The following ZBTB20 variants were observed in gnomAD, a reference collection of about 807,000 sequenced individuals.
The protein encoded by ZBTB20 is zinc finger and BTB domain containing 20, also known as zinc finger and BTB domain-containing protein 20.
In ZBTB20, 9 loss-of-function variants were observed where a neutral mutation model predicts 56.9. The ratio of observed to expected loss-of-function variants is 0.16; its 90% CI spans 0.10 to 0.28. The LOEUF is 0.28. Among genes scored for constraint, ZBTB20 ranks in the 10% least tolerant of loss-of-function variants. ZBTB20 has a pLI of 1.00. For synonymous variants in ZBTB20, 417 were observed against 420.7 expected (o/e 0.99, Z 0.11); for missense variants, 655 against 1,003.0 (o/e 0.65, Z 4.69).
At chr3:114,894,631 A>T (rs1204128061) in intron 4 of ZBTB20, among the ~76,000 whole-genome samples, 1 of 152,186 alleles carries the variant, frequency 6.6e-6, no homozygotes, top group East Asian at 1.9e-4. Context: ...GGACAGAGAC[A>T]GATACTTACA....
At chr3:114,826,026 A>G (rs554073451) in intron 4 of ZBTB20, among the ~76,000 whole-genome samples, 1 of 151,900 alleles carries the variant, frequency 6.6e-6, no homozygotes, top group South Asian at 2.1e-4. Flanking sequence ...GAATAAAACT[A>G]TCACTGAATT....
intron 6 of ZBTB20, among the ~76,000 whole-genome samples, chr3:114,540,931 A>G (rs2049037061): frequency 6.6e-6 from 1 of 152,114 alleles, no homozygotes; most frequent in Admixed American, 6.6e-5. Context: ...AGAAGCTAAA[A>G]AAACAATGCT....
intron 4 of ZBTB20, among the ~76,000 whole-genome samples, chr3:114,865,221 G>A (rs112416397): frequency 2.0e-5 from 3 of 152,158 alleles, no homozygotes; most frequent in African/African-American, 4.8e-5. Context: ...CCTCAACTAT[G>A]CATTTCCATG....
intron 6 of ZBTB20, among the ~76,000 whole-genome samples, chr3:114,684,005 A>G (rs2062161640): frequency 6.6e-6 from 1 of 152,120 alleles, no homozygotes; most frequent in South Asian, 2.1e-4. Flanking sequence ...GTTAGGCTGC[A>G]TCTTCTTTAT....
chr3:114,920,457 C>A (rs2075913952), intron 3 of ZBTB20, among the ~76,000 whole-genome samples: 1 of 151,936 alleles, frequency 6.6e-6, no homozygotes, highest in South Asian at 2.1e-4. Context: ...AATTAGAAAT[C>A]AATCAAAGGA....
intron 4 of ZBTB20, among the ~76,000 whole-genome samples, chr3:114,801,432 G>A (rs1003797531): frequency 6.9e-6 from 1 of 144,580 alleles, no homozygotes; most frequent in Non-Finnish European, 1.5e-5. Flanking sequence ...AACAAAATAC[G>A]CCTCCATGTT....
intron 7 of ZBTB20, among the ~76,000 whole-genome samples, chr3:114,452,139 CAAAAG>C (rs2091660915): frequency 6.6e-6 from 1 of 151,902 alleles, no homozygotes; most frequent in African/African-American, 2.4e-5. Context: ...CCCACAGCAA[CAAAAG>C]AATTCAGGGA....
At chr3:114,735,258 T>C (rs1208188123) in intron 5 of ZBTB20, among the ~76,000 whole-genome samples, 2 of 152,152 alleles carry the variant, frequency 1.3e-5, no homozygotes, top group Non-Finnish European at 2.9e-5. Flanking sequence ...TTATTCCATA[T>C]GTTAAGTTTC....
intron 11 of ZBTB20, among the ~76,000 whole-genome samples, chr3:114,342,103 A>G (rs931847231): frequency 1.3e-5 from 2 of 152,224 alleles, no homozygotes; most frequent in Non-Finnish European, 2.9e-5. Flanking sequence ...AAACTGTCTT[A>G]CTAAATGGGG....
At chr3:115,056,729 T>G (rs989307530) in intron 2 of ZBTB20, among the ~76,000 whole-genome samples, 1 of 152,160 alleles carries the variant, frequency 6.6e-6, no homozygotes, top group South Asian at 2.1e-4. Context: ...TAAAGCTACC[T>G]AGTTGTTTAA....
chr3:114,440,494 TTTC>T (rs992475591), intron 7 of ZBTB20, among the ~76,000 whole-genome samples: 26 of 152,164 alleles, frequency 1.7e-4, no homozygotes, highest in African/African-American at 6.3e-4. Flanking sequence ...TCCCTCTTAC[TTTC>T]TTCTTCTCTC....
chr3:114,343,520 G>A (rs571357132), intron 11 of ZBTB20, among the ~76,000 whole-genome samples: 1 of 152,324 alleles, frequency 6.6e-6, no homozygotes, highest in African/African-American at 2.4e-5. Context: ...TGATGAGACA[G>A]CAGGCAGCAA....
At chr3:114,949,500 G>T (rs2076991505) in intron 3 of ZBTB20, among the ~76,000 whole-genome samples, 1 of 146,490 alleles carries the variant, frequency 6.8e-6, no homozygotes. Flanking sequence ...AGGCGCGGCG[G>T]CTCATGCCTG....
At chr3:114,867,089 G>T (rs762064501) in intron 4 of ZBTB20, among the ~76,000 whole-genome samples, 4 of 152,132 alleles carry the variant, frequency 2.6e-5, no homozygotes, top group Non-Finnish European at 4.4e-5. Context: ...GGATGAAAAA[G>T]CCCCCTTCAG....
rs567329280 is a variant in ZBTB20, at chr3:114,324,333, G to C, written c.*14672C>G. 4.6e-5 allele frequency: 7 copies of C among 152,098 alleles called. No homozygotes were observed. The highest frequency in any genetic ancestry group is 1.0e-4 in the Non-Finnish European group (7 of 68,004). 9.4% of individuals were successfully genotyped at this position (152,098 alleles called of 1,614,324 possible). On this transcript the variant is annotated 3_prime_UTR_variant, in exon 12 of 12. Transcript: ENST00000675478. ...AAAGCTTTCCTGTTTCTTGAAACAC[G>C]GTCCTAAATTTAACAGTGCTGGGCT... is the stretch of plus-strand genomic sequence containing the variant.
At chr3:115,136,210 T>C (rs2084648957) in intron 1 of ZBTB20, among the ~76,000 whole-genome samples, 1 of 152,096 alleles carries the variant, frequency 6.6e-6, no homozygotes, top group South Asian at 2.1e-4. Flanking sequence ...CCTAAAAGGA[T>C]AGAAAACTGT....
intron 3 of ZBTB20, among the ~76,000 whole-genome samples, chr3:114,969,502 C>T (rs936806047): frequency 1.6e-4 from 24 of 152,204 alleles, no homozygotes; most frequent in Admixed American, 1.3e-4. Flanking sequence ...TATTTCTATA[C>T]GTATACTGGT....
At chr3:114,840,254 A>G (rs567165666) in intron 4 of ZBTB20, among the ~76,000 whole-genome samples, 1 of 152,308 alleles carries the variant, frequency 6.6e-6, no homozygotes, top group East Asian at 1.9e-4. Context: ...TCAGTACTCA[A>G]TTAACCTGTT....
chr3:114,354,109 T>G (rs978935684), intron 10 of ZBTB20, among the ~76,000 whole-genome samples: 13 of 152,358 alleles, frequency 8.5e-5, no homozygotes, highest in Non-Finnish European at 1.9e-4. Flanking sequence ...GTTTTTAGGC[T>G]GTGATGCTTT....
Sources: allele counts gnomAD v4.1 joint callset (sites outside exome capture counted in the v4.1 genomes callset), GRCh38; gene constraint gnomAD v4.1.1; transcripts MANE v1.5; gene names NCBI Gene and HGNC (gene_info 2026-07-23, HGNC 2026-07-21).